NHERF2: variants seen among roughly 807,000 people sequenced by gnomAD.
NHERF2 encodes NHERF family PDZ scaffold protein 2, also known as Na(+)/H(+) exchange regulatory cofactor NHE-RF2.
the NHERF2 span, chr16:2,038,075 T>C: frequency 6.8e-7 from 1 of 1,475,600 alleles, no homozygotes; most frequent in Non-Finnish European, 9.3e-7. Flanking sequence ...CTCAGTGGAC[T>C]GGAGGGTGGT....
the NHERF2 span, chr16:2,029,663 C>T: frequency 1.1e-4 from 168 of 1,566,588 alleles, 1 homozygote; most frequent in South Asian, 1.8e-3. Context: ...GCTCCGCCGG[C>T]GGCAGCTGAC....
At chr16:2,033,273 G>A in the NHERF2 span, 1 of 1,530,418 alleles carries the variant, frequency 6.5e-7, no homozygotes, top group Non-Finnish European at 8.7e-7. Context: ...TAGATAAGTG[G>A]GGTGGCAGCC....
At chr16:2,030,618 C>CTTTTTT in the NHERF2 span, among the ~76,000 whole-genome samples, 1 of 132,224 alleles carries the variant, frequency 7.6e-6, no homozygotes, top group Non-Finnish European at 1.6e-5. Context: ...TCTCTCCTAC[C>CTTTTTT]TTTTTTTTTT....
the NHERF2 span, chr16:2,036,462 G>A: frequency 6.2e-7 from 1 of 1,602,530 alleles, no homozygotes; most frequent in East Asian, 2.3e-5. Context: ...GGGCTCACCT[G>A]CCGCCCGCTC....
chr16:2,034,227 G>A, the NHERF2 span, among the ~76,000 whole-genome samples: 2 of 152,186 alleles, frequency 1.3e-5, no homozygotes, highest in Middle Eastern at 3.2e-3. Flanking sequence ...TTGTGTCTGT[G>A]GCTGTGTGAT....
the NHERF2 span, chr16:2,037,544 G>T: frequency 1.2e-6 from 2 of 1,611,232 alleles, no homozygotes; most frequent in Non-Finnish European, 1.7e-6. Context: ...CCAGCTCAAT[G>T]GTGGCTCTGC....
chr16:2,033,459 G>T, the NHERF2 span: 1 of 1,502,672 alleles, frequency 6.7e-7, no homozygotes, highest in Non-Finnish European at 8.9e-7. Flanking sequence ...GGAAGGGAGG[G>T]CTAGGAGGAA....
chr16:2,032,316 GGCTC>G, the NHERF2 span, among the ~76,000 whole-genome samples: 3 of 152,332 alleles, frequency 2.0e-5, no homozygotes, highest in Admixed American at 2.0e-4. This position sits in a 1 kb window ranked among gnomAD's most constrained non-coding sequence, Gnocchi z 4.0. Context: ...CCCTGCGCCT[GGCTC>G]AGGACCTGAG....
the NHERF2 span, chr16:2,036,535 G>A: frequency 6.4e-7 from 1 of 1,557,874 alleles, no homozygotes; most frequent in South Asian, 1.2e-5. Context: ...GGGGTGCCGA[G>A]TGCCCCGCAC....
the NHERF2 span, chr16:2,037,646 G>A: frequency 6.3e-7 from 1 of 1,598,380 alleles, no homozygotes; most frequent in Non-Finnish European, 8.5e-7. Flanking sequence ...GGTTGCTAGA[G>A]GCCTTGGGGT....
the NHERF2 span, chr16:2,033,327 C>T: frequency 6.5e-7 from 1 of 1,533,056 alleles, no homozygotes; most frequent in Non-Finnish European, 8.7e-7. Context: ...GGACGCCTGC[C>T]ACTTGCTGTC....
chr16:2,038,233 G>GAGAGACAC, the NHERF2 span: 1 of 589,822 alleles, frequency 1.7e-6, no homozygotes, highest in East Asian at 2.9e-5. Context: ...GAGAGAGAGA[G>GAGAGACAC]AGAGAGACAC....
At chr16:2,037,673 G>A in the NHERF2 span, 10 of 1,572,200 alleles carry the variant, frequency 6.4e-6, no homozygotes, top group South Asian at 9.3e-5. Context: ...CTGTGGAGAT[G>A]TCAGCCCGGG....
At chr16:2,037,292 A>T in the NHERF2 span, among the ~76,000 whole-genome samples, 8 of 152,144 alleles carry the variant, frequency 5.3e-5, no homozygotes, top group African/African-American at 1.9e-4. Flanking sequence ...GCCTCACCCC[A>T]GGCGTTGCTC....
chr16:2,038,403 C>CT, the NHERF2 span: 1 of 363,746 alleles, frequency 2.7e-6, no homozygotes, highest in Non-Finnish European at 5.2e-6. Flanking sequence ...ACCAGAGACC[C>CT]CCCCCCTTCC....
the NHERF2 span, chr16:2,027,152 G>A: frequency 2.0e-6 from 3 of 1,475,352 alleles, no homozygotes; most frequent in East Asian, 2.9e-5. Context: ...AGGCCGCCGC[G>A]CTGCGCGCTG....
the NHERF2 span, chr16:2,033,127 C>G: frequency 7.1e-7 from 1 of 1,403,190 alleles, no homozygotes; most frequent in South Asian, 1.5e-5. Context: ...TTTCTTGGGA[C>G]GGAAGCCTAG....
At chr16:2,029,721 C>T in the NHERF2 span, 3 of 1,556,930 alleles carry the variant, frequency 1.9e-6, no homozygotes, top group East Asian at 2.4e-5. Context: ...GCCCACGACC[C>T]CTGGGAGCCG....
chr16:2,027,446 C>T, the NHERF2 span, among the ~76,000 whole-genome samples: 2 of 152,216 alleles, frequency 1.3e-5, no homozygotes, highest in African/African-American at 4.8e-5. Flanking sequence ...GGCTCCTGGC[C>T]GCTGGCCTCG....
Sources: gnomAD v4.1 joint callset for allele counts (sites outside exome capture counted in the v4.1 genomes callset) on GRCh38, gnomAD v4.1.1 for gene constraint, Gnocchi (gnomAD v3.1) non-coding constraint, MANE v1.5 for transcripts, NCBI Gene and HGNC (gene_info 2026-07-23, HGNC 2026-07-21) for gene names.